MACROD1: variants seen among roughly 807,000 people sequenced by gnomAD.
MACROD1 encodes the protein ADP-ribose glycohydrolase MACROD1.
Under a neutral mutation model 41.4 loss-of-function variants are expected in MACROD1, and 31 were observed. The observed-to-expected ratio is 0.75, with a 90% CI of 0.56 to 1.01. The LOEUF (loss-of-function observed/expected upper bound fraction) is 1.01. Ranked by LOEUF, MACROD1 falls within the 50% of genes least tolerant of loss-of-function variation. The probability of loss-of-function intolerance (pLI) is 0.00; values close to 1 mark genes in which losing one functional copy is unlikely to be tolerated. For synonymous variants in MACROD1, 252 were observed against 203.4 expected (o/e 1.24, Z -2.03); for missense variants, 473 against 460.0 (o/e 1.03, Z -0.26).
chr11:64,101,217 C>T lies in MACROD1; in HGVS notation c.517+50022G>A, dbSNP rs1407551135. ...GTGAAGGGCCAGGCTGGAGCCAGCT[C>T]AGGGCATTAGTGGGCAGTAGTGGGA... On this transcript the variant is annotated intron_variant, in intron 3 of 10. Coordinates refer to ENST00000255681, the MANE Select transcript of MACROD1 (RefSeq NM_014067.4). 2.6e-5 allele frequency among the ~76,000 whole-genome samples: 4 copies of T among 152,030 alleles called. No homozygotes were observed. The South Asian group carries it at 8.3e-4, about 32-fold the overall frequency.
intron 4 of MACROD1, among the ~76,000 whole-genome samples, chr11:64,014,792 G>A (rs1306299333): frequency 1.3e-5 from 2 of 152,228 alleles, no homozygotes; most frequent in Non-Finnish European, 2.9e-5. Context: ...GTTAACAATG[G>A]CAGACACAGA....
chr11:64,116,154 C>A, intron 3 of MACROD1: 2 of 1,446,752 alleles, frequency 1.4e-6, no homozygotes, highest in South Asian at 1.4e-5. Context: ...AGGGAATGCA[C>A]GATTCACTCC....
chr11:64,147,639 T>C (rs1245084390), intron 3 of MACROD1, among the ~76,000 whole-genome samples: 8 of 151,972 alleles, frequency 5.3e-5, no homozygotes, highest in Admixed American at 5.3e-4. Context: ...GCCAGGCTAG[T>C]CTCGAAACTC....
chr11:64,016,331 G>T (rs1023830991), intron 3 of MACROD1, among the ~76,000 whole-genome samples: 10 of 152,242 alleles, frequency 6.6e-5, no homozygotes, highest in African/African-American at 2.4e-4. Flanking sequence ...GGAAAGCAGC[G>T]GGTGAGGCCA....
chr11:64,131,397 G>A (rs192378842), intron 3 of MACROD1, among the ~76,000 whole-genome samples: 1 of 152,166 alleles, frequency 6.6e-6, no homozygotes. Flanking sequence ...ACAGTGAGGT[G>A]ATCTCGGCAG....
chr11:64,150,135 T>C (rs145222975), intron 3 of MACROD1, among the ~76,000 whole-genome samples: 2 of 152,290 alleles, frequency 1.3e-5, no homozygotes, highest in Middle Eastern at 3.4e-3. Context: ...TAGAGCAAGG[T>C]TGCTTCAGGA....
intron 3 of MACROD1, among the ~76,000 whole-genome samples, chr11:64,058,093 C>T (rs2134429195): frequency 6.6e-6 from 1 of 152,386 alleles, no homozygotes; most frequent in South Asian, 2.1e-4. Flanking sequence ...GAACCCATTA[C>T]AGGCCTATTT....
intron 3 of MACROD1, among the ~76,000 whole-genome samples, chr11:64,134,903 G>A (rs1291067419): frequency 2.6e-4 from 39 of 152,232 alleles, no homozygotes; most frequent in Admixed American, 2.6e-3. Flanking sequence ...TCCTAGGGCA[G>A]GGCCCTCAGA....
intron 3 of MACROD1, chr11:64,117,311 C>T (rs140908634): frequency 1.5e-5 from 24 of 1,613,982 alleles, no homozygotes; most frequent in Middle Eastern, 1.6e-4. Flanking sequence ...CACGGGCGGC[C>T]GTGGTCAACG....
chr11:64,157,025 C>T (rs1945678940), intron 1 of MACROD1, among the ~76,000 whole-genome samples: 1 of 152,216 alleles, frequency 6.6e-6, no homozygotes, highest in South Asian at 2.1e-4. Flanking sequence ...CCCGCCAGGC[C>T]CCTCTTTGTT....
intron 3 of MACROD1, among the ~76,000 whole-genome samples, chr11:64,028,318 C>G (rs1943248201): frequency 6.6e-6 from 1 of 152,320 alleles, no homozygotes; most frequent in African/African-American, 2.4e-5. Context: ...TGTGGGGACA[C>G]GACAGGACCC....
intron 4 of MACROD1, among the ~76,000 whole-genome samples, chr11:64,005,603 C>G (rs983496579): frequency 2.6e-5 from 4 of 152,196 alleles, no homozygotes; most frequent in Non-Finnish European, 5.9e-5. Flanking sequence ...TCTCAGGTGC[C>G]GAGTCTCATA....
chr11:64,004,513 A>G (rs1337482246), intron 4 of MACROD1, among the ~76,000 whole-genome samples: 1 of 152,162 alleles, frequency 6.6e-6, no homozygotes, highest in African/African-American at 2.4e-5. Flanking sequence ...GAACATAAGG[A>G]GGCCTGTGGC....
intron 3 of MACROD1, among the ~76,000 whole-genome samples, chr11:64,054,122 A>G (rs1027155910): frequency 1.3e-5 from 2 of 151,896 alleles, no homozygotes; most frequent in African/African-American, 4.8e-5. Context: ...CCTGAGTTCT[A>G]CCAGGCAGGA....
chr11:64,066,018 G>A lies in MACROD1; in HGVS notation c.518-50737C>T, dbSNP rs952063317. 4.6e-5 allele frequency among the ~76,000 whole-genome samples: 7 copies of A among 151,998 alleles called. No individual in the cohort carries two copies. The East Asian group carries it at 5.9e-4, about 13-fold the overall frequency. On this transcript the variant is annotated intron_variant, in intron 3 of 10. Coordinates refer to ENST00000255681, the MANE Select transcript of MACROD1 (RefSeq NM_014067.4). ...GTGGCTATAAAGATGAATTTAGGCC[G>A]GGTGTGGTGGCTCACGCCTGTAATC...
chr11:64,007,930 G>C (rs1032642403), intron 4 of MACROD1, among the ~76,000 whole-genome samples: 5 of 152,254 alleles, frequency 3.3e-5, no homozygotes, highest in Admixed American at 2.6e-4. Context: ...CGGAGGTCAC[G>C]TTTATCTGCT....
rs1423513695 is a variant in MACROD1 at position 64,090,326 on chromosome 11, G to A, written c.517+60913C>T. Among the ~76,000 whole-genome samples the A allele has an allele frequency of 2.0e-5, 3 of 152,314 alleles. No individual in the cohort carries two copies. The highest frequency in any genetic ancestry group is 1.9e-4 in the East Asian group (1 of 5,184). The stretch of plus-strand genomic sequence containing the variant: ...GTCTAATAGTCAGCAGTTATTTATC[G>A]TCTCGTTTCTTAGTGGGTAGGAAAG... On this transcript the variant is annotated intron_variant, in intron 3 of 10. Transcript: ENST00000255681. The surrounding 1 kb of genome is among the most constrained non-coding windows in gnomAD (Gnocchi z 4.7).
intron 3 of MACROD1, among the ~76,000 whole-genome samples, chr11:64,032,745 C>T (rs900932288): frequency 1.3e-5 from 2 of 152,146 alleles, no homozygotes; most frequent in African/African-American, 4.8e-5. Context: ...CCCACAGCTC[C>T]CAGGGGCTCG....
At chr11:64,111,977 TGTG>T (rs1052630705) in intron 3 of MACROD1, among the ~76,000 whole-genome samples, 4 of 152,060 alleles carry the variant, frequency 2.6e-5, no homozygotes, top group African/African-American at 9.7e-5. Context: ...CCCTCAGCAG[TGTG>T]GAGTCAAGCA....
Sources: allele counts gnomAD v4.1 joint callset (sites outside exome capture counted in the v4.1 genomes callset), GRCh38; gene constraint gnomAD v4.1.1; non-coding constraint Gnocchi (gnomAD v3.1); transcripts MANE v1.5; gene names NCBI Gene and HGNC (gene_info 2026-07-23, HGNC 2026-07-21).